Variants in ERC1 observed in about 807,000 individuals in gnomAD.
ERC1 encodes RAB6 interacting protein 2.
Under a neutral mutation model 132.0 loss-of-function variants are expected in ERC1, and 56 were observed. The observed-to-expected ratio is 0.42, with a 90% CI of 0.34 to 0.53. The LOEUF (loss-of-function observed/expected upper bound fraction) is 0.53, where lower values mean the gene tolerates loss of function less well. Ranked by LOEUF, ERC1 falls within the 20% of genes least tolerant of loss-of-function variation. The pLI is 0.03. For missense variants in ERC1, 1,202 were observed against 1,349.9 expected, an observed-to-expected ratio of 0.89 and a Z score of 1.72; for synonymous variants, 478 against 476.1, an observed-to-expected ratio of 1.00 and a Z score of -0.05.
At chr12:1,337,795 A>G (rs565382405) in intron 15 of ERC1, among the ~76,000 whole-genome samples, 6 of 152,162 alleles carry the variant, frequency 3.9e-5, no homozygotes, top group Non-Finnish European at 8.8e-5. Context: ...TCCCTCACTT[A>G]TGAAGGTTAT....
At chr12:1,463,316 T>G (rs562978016) in intron 18 of ERC1, among the ~76,000 whole-genome samples, 36 of 152,308 alleles carry the variant, frequency 2.4e-4, no homozygotes, top group African/African-American at 8.2e-4. Flanking sequence ...TTTTCCCTCC[T>G]GAACGCGCCT....
chr12:1,470,543 T>A (rs1050358067), intron 18 of ERC1, among the ~76,000 whole-genome samples: 2 of 152,036 alleles, frequency 1.3e-5, no homozygotes, highest in African/African-American at 4.8e-5. Context: ...CCTGGCTGTG[T>A]CTGCGATTCC....
At chr12:1,084,630 A>C (rs1942709257) in intron 3 of ERC1, among the ~76,000 whole-genome samples, 1 of 152,034 alleles carries the variant, frequency 6.6e-6, no homozygotes, top group Non-Finnish European at 1.5e-5. Flanking sequence ...AAGTATTGTT[A>C]CCTAGTAGTA....
intron 1 of ERC1, chr12:991,812 G>A (rs906675899): frequency 6.6e-6 from 1 of 152,286 alleles, no homozygotes; most frequent in Non-Finnish European, 1.5e-5. Flanking sequence ...GATGTAAAAT[G>A]CTGAAGATGA....
intron 18 of ERC1, among the ~76,000 whole-genome samples, chr12:1,485,171 G>A (rs1353807198): frequency 1.3e-5 from 2 of 150,190 alleles, no homozygotes; most frequent in Non-Finnish European, 3.0e-5. Flanking sequence ...TTACAGGTGT[G>A]AGTCCCCAAA....
intron 15 of ERC1, among the ~76,000 whole-genome samples, chr12:1,334,430 C>T (rs1407136911): frequency 6.6e-6 from 1 of 152,142 alleles, no homozygotes; most frequent in African/African-American, 2.4e-5. Context: ...GGAAGGGATC[C>T]AGTTTCAATC....
chr12:1,130,660 G>T, intron 7 of ERC1, among the ~76,000 whole-genome samples: 1 of 147,306 alleles, frequency 6.8e-6, no homozygotes. Flanking sequence ...TATGTACTGT[G>T]GAATGACTCA....
At chr12:1,348,394 G>A (rs893954660) in intron 15 of ERC1, among the ~76,000 whole-genome samples, 6 of 152,122 alleles carry the variant, frequency 3.9e-5, no homozygotes, top group African/African-American at 1.4e-4. Context: ...GGGAAAAAAT[G>A]TATAATGTCC....
rs185621507 is a variant in ERC1 at position 1,482,515 on chromosome 12, C to T, written c.3214-7578C>T. Among the ~76,000 whole-genome samples, 352 of 152,228 alleles carry T rather than the reference C, an allele frequency of 2.3e-3. 1 individual carries two copies. The highest frequency in any genetic ancestry group is 0.014 in the Middle Eastern group (4 of 294). ...AGGCTGGAGTGCACTGGCGCGATCT[C>T]GGCTCACTGCAACACCCACCTCTTG... On this transcript the variant is annotated intron_variant, in intron 18 of 18. Coordinates refer to ENST00000360905, the MANE Select transcript of ERC1 (RefSeq NM_178040.4).
chr12:1,140,851 A>G (rs1485590427), intron 7 of ERC1, among the ~76,000 whole-genome samples: 2 of 152,174 alleles, frequency 1.3e-5, no homozygotes, highest in African/African-American at 2.4e-5. Context: ...TAGCTCATTA[A>G]TAGTTTTTTA....
At chr12:1,005,588 G>A (rs1963416030) in intron 1 of ERC1, among the ~76,000 whole-genome samples, 1 of 152,162 alleles carries the variant, frequency 6.6e-6, no homozygotes, top group Non-Finnish European at 1.5e-5. Context: ...GGTGGTTACT[G>A]TAGTCAATTT....
chr12:1,345,187 C>CTTGTTTTTTTTT (rs1555368776), intron 15 of ERC1, among the ~76,000 whole-genome samples: 4 of 131,494 alleles, frequency 3.0e-5, no homozygotes, highest in Non-Finnish European at 6.4e-5. Flanking sequence ...AATATTTCTT[C>CTTGTTTTTTTTT]TTTTTTTTTT....
intron 8 of ERC1, among the ~76,000 whole-genome samples, chr12:1,170,588 A>G (rs1313105878): frequency 6.6e-6 from 1 of 152,214 alleles, no homozygotes; most frequent in Non-Finnish European, 1.5e-5. Context: ...ATTTTAGCAC[A>G]GGGAGGTCTG....
intron 7 of ERC1, among the ~76,000 whole-genome samples, chr12:1,130,755 T>A (rs1948685692): frequency 1.3e-5 from 2 of 151,672 alleles, no homozygotes; most frequent in African/African-American, 4.8e-5. Context: ...TGCAGTTTGT[T>A]GAAACAGTAC....
chr12:1,007,922 T>C (rs890134907), intron 1 of ERC1, among the ~76,000 whole-genome samples: 2 of 152,120 alleles, frequency 1.3e-5, no homozygotes, highest in Admixed American at 6.6e-5. Flanking sequence ...GGCCTCTGTA[T>C]TGGACAGTGC....
chr12:1,302,819 G>A (rs1477920757), intron 15 of ERC1, among the ~76,000 whole-genome samples: 3 of 151,950 alleles, frequency 2.0e-5, no homozygotes, highest in Non-Finnish European at 4.4e-5. Flanking sequence ...AATAAATAGC[G>A]GGGCATGGTG....
chr12:1,080,622 G>C (rs1040365316), intron 2 of ERC1, among the ~76,000 whole-genome samples: 1 of 152,134 alleles, frequency 6.6e-6, no homozygotes, highest in African/African-American at 2.4e-5. Flanking sequence ...TGCTATTCTC[G>C]TGATAGTGAG....
chr12:1,061,538 G>C (rs987044354), intron 2 of ERC1, among the ~76,000 whole-genome samples: 2 of 152,108 alleles, frequency 1.3e-5, no homozygotes, highest in Admixed American at 1.3e-4. Context: ...GGGAGGCATA[G>C]GTTGCAGTGA....
At chr12:1,040,907 C>T (rs1447330454) in intron 2 of ERC1, among the ~76,000 whole-genome samples, 1 of 152,112 alleles carries the variant, frequency 6.6e-6, no homozygotes, top group African/African-American at 2.4e-5. Context: ...ATGCAAAGAT[C>T]TGTGTAGCTT....
Sources: gnomAD v4.1 joint callset for allele counts (sites outside exome capture counted in the v4.1 genomes callset) on GRCh38, gnomAD v4.1.1 for gene constraint, MANE v1.5 for transcripts, NCBI Gene and HGNC (gene_info 2026-07-23, HGNC 2026-07-21) for gene names.